TTC1: variants seen among roughly 807,000 people sequenced by gnomAD.
The protein encoded by TTC1 is tetratricopeptide repeat protein 1.
TTC1 carries 31 observed loss-of-function variants against 37.6 expected under a neutral mutation model. The observed-to-expected ratio is 0.82, with a 90% confidence interval of 0.62 to 1.11. TTC1 has a LOEUF of 1.11. Among genes scored for constraint, TTC1 ranks in the 50% most tolerant of loss-of-function variants. The pLI is 0.00. For missense variants in TTC1, 351 were observed against 339.0 expected (o/e 1.04, Z -0.28); for synonymous variants, 127 against 122.4 (o/e 1.04, Z -0.25).
chr5:160,045,511 C>CAT (rs1757205553), intron 5 of TTC1, among the ~76,000 whole-genome samples: 1 of 62,676 alleles, frequency 1.6e-5, no homozygotes, highest in Non-Finnish European at 3.1e-5. Flanking sequence ...CACACACACA[C>CAT]ACATACACAC....
intron 7 of TTC1, among the ~76,000 whole-genome samples, chr5:160,059,126 A>C (rs994156875): frequency 2.0e-5 from 3 of 152,200 alleles, no homozygotes; most frequent in Non-Finnish European, 4.4e-5. Flanking sequence ...CTTTGAAGCC[A>C]GGCATTGAAT....
In TTC1 at chr5:160,034,175, T is replaced by G. The variant is rs185713422; in HGVS notation, c.331-965T>G. Among the ~76,000 whole-genome samples, 238 of 151,548 alleles carry G rather than the reference T, an allele frequency of 1.6e-3. 1 individual carries two copies. Among genetic ancestry groups the G allele is most frequent in the African/African-American group, 5.3e-3 (218 of 41,296 alleles). On this transcript the variant is annotated intron_variant, in intron 2 of 7. Transcript: ENST00000231238. The stretch of plus-strand genomic sequence containing the variant: ...GGGACTTTGGTAGATTTTCTGTTTT[T>G]GGGGTTTTTTTGTTGTTTTTGTTTT...
chr5:160,017,444 A>G (rs1756627039), intron 2 of TTC1, among the ~76,000 whole-genome samples: 1 of 152,140 alleles, frequency 6.6e-6, no homozygotes, highest in Non-Finnish European at 1.5e-5. Context: ...ACACTAATCC[A>G]TTCATGAGGT....
intron 7 of TTC1, among the ~76,000 whole-genome samples, chr5:160,061,515 T>C (rs1753397628): frequency 6.6e-6 from 1 of 152,230 alleles, no homozygotes; most frequent in African/African-American, 2.4e-5. Context: ...AATTAGTACA[T>C]GTTGGTTGAA....
intron 2 of TTC1, among the ~76,000 whole-genome samples, chr5:160,032,250 A>G (rs540508079): frequency 1.2e-4 from 19 of 152,344 alleles, no homozygotes; most frequent in Non-Finnish European, 2.1e-4. Context: ...TGAAGAGAAG[A>G]TTATAGATCA....
At chr5:160,042,953 C>G (rs1757126357) in intron 4 of TTC1, among the ~76,000 whole-genome samples, 180 bp from the exon 5 acceptor site, 1 of 152,174 alleles carries the variant, frequency 6.6e-6, no homozygotes, top group South Asian at 2.1e-4. Context: ...AGAGCCATCC[C>G]CATCCCCGTG....
At chr5:160,043,971 G>T (rs1757149915) in intron 5 of TTC1, among the ~76,000 whole-genome samples, 1 of 152,066 alleles carries the variant, frequency 6.6e-6, no homozygotes, top group African/African-American at 2.4e-5. Flanking sequence ...TGTGTTTTGG[G>T]GTTGTTTTGT....
intron 7 of TTC1, among the ~76,000 whole-genome samples, chr5:160,063,844 G>A (rs1313216934): frequency 4.6e-5 from 7 of 151,898 alleles, no homozygotes; most frequent in Non-Finnish European, 4.4e-5. Context: ...GTCTCACTGC[G>A]TTGCTCGGGC....
Position 160,030,868 on chromosome 5 carries a change from T to C in TTC1, c.331-4272T>C, listed in dbSNP as rs551978349. ...AGGTATGTAAGGGTTTTAACCACAT[T>C]AGAAGCTTCTGTTCATAGAACAGAA... On this transcript the variant is annotated intron_variant, in intron 2 of 7. Coordinates refer to ENST00000231238, the MANE Select transcript of TTC1 (RefSeq NM_003314.3). Among the ~76,000 whole-genome samples the C allele has an allele frequency of 3.3e-5, 5 of 152,284 alleles. No homozygotes were observed. The South Asian group carries it at 1.0e-3, about 32-fold the overall frequency.
rs768072394 is a variant in TTC1 at position 160,010,858 on chromosome 5, GGTAA to G, written c.330+4_330+7del. 23 of 1,609,902 alleles carry G rather than the reference GGTAA, an allele frequency of 1.4e-5. No homozygotes were observed. The highest frequency in any genetic ancestry group is 7.7e-5 in the South Asian group (7 of 90,922). On this transcript the variant is annotated splice_donor_variant and splice_donor_region_variant and intron_variant, in intron 2 of 7. Transcript: ENST00000231238. LOFTEE classifies it high-confidence loss of function. ...AAAACATGTCGGATGAAGAGAAACA[GGTAA>G]GTATTTTATTTATTGTGCAAGATCT...
chr5:160,047,159 G>A (rs989250273), intron 5 of TTC1, among the ~76,000 whole-genome samples: 10 of 152,120 alleles, frequency 6.6e-5, no homozygotes, highest in African/African-American at 2.2e-4. Context: ...CTTCAACTCT[G>A]ACTTCTACCC....
At chr5:160,056,351 C>T (rs1757547201) in intron 7 of TTC1, among the ~76,000 whole-genome samples, 1 of 152,142 alleles carries the variant, frequency 6.6e-6, no homozygotes, top group South Asian at 2.1e-4. Context: ...TAAAGTCACT[C>T]AGTTGTTCAC....
At chr5:160,061,570 T>A (rs934945493) in intron 7 of TTC1, among the ~76,000 whole-genome samples, 3 of 152,230 alleles carry the variant, frequency 2.0e-5, no homozygotes, top group Admixed American at 2.0e-4. Flanking sequence ...ACGCAGAGAC[T>A]ATTTATTTGT....
At chr5:160,019,473 C>G (rs563046692) in intron 2 of TTC1, among the ~76,000 whole-genome samples, 1 of 151,942 alleles carries the variant, frequency 6.6e-6, no homozygotes, top group African/African-American at 2.4e-5. Context: ...GGAATACTCT[C>G]GATTGCTTCC....
chr5:160,019,065 CAT>C (rs1491342234), intron 2 of TTC1, among the ~76,000 whole-genome samples: 1 of 152,166 alleles, frequency 6.6e-6, no homozygotes, highest in African/African-American at 2.4e-5. Context: ...TGCAAACAAA[CAT>C]TTTTTATTTG....
chr5:160,045,515 T>TCTC (rs1561634906), intron 5 of TTC1, among the ~76,000 whole-genome samples: 7 of 37,614 alleles, frequency 1.9e-4, no homozygotes, highest in South Asian at 1.3e-3. Flanking sequence ...CACACACACA[T>TCTC]ACACACTCTC....
chr5:160,033,932 GAAATTACTT>G (rs1006331218), intron 2 of TTC1, among the ~76,000 whole-genome samples: 3 of 152,088 alleles, frequency 2.0e-5, no homozygotes, highest in African/African-American at 7.2e-5. Flanking sequence ...TCCTCCCTTT[GAAATTACTT>G]AATCAGAAGC....
intron 7 of TTC1, among the ~76,000 whole-genome samples, chr5:160,052,210 A>G (rs1236246694): frequency 6.6e-6 from 1 of 152,200 alleles, no homozygotes; most frequent in African/African-American, 2.4e-5. Flanking sequence ...CCTAATTTAC[A>G]TATTTAATTA....
intron 3 of TTC1, among the ~76,000 whole-genome samples, chr5:160,035,937 A>G (rs1233007229): frequency 4.8e-5 from 7 of 146,984 alleles, no homozygotes; most frequent in African/African-American, 1.0e-4. Flanking sequence ...CTATTACCTG[A>G]TTTCAGATTT....
Sources: gnomAD v4.1 joint callset for allele counts (sites outside exome capture counted in the v4.1 genomes callset) on GRCh38, gnomAD v4.1.1 for gene constraint, MANE v1.5 for transcripts, NCBI Gene and HGNC (gene_info 2026-07-23, HGNC 2026-07-21) for gene names.